Variants in SIPA1L2 observed in about 807,000 individuals in gnomAD.
The protein encoded by SIPA1L2 is signal induced proliferation associated 1 like 2.
A neutral mutation model predicts 163.9 loss-of-function variants in SIPA1L2; 56 were observed. The observed-to-expected ratio is 0.34, with a 90% CI of 0.28 to 0.43. The LOEUF (loss-of-function observed/expected upper bound fraction) is 0.43, where lower values mean the gene tolerates loss of function less well. Among genes scored for constraint, SIPA1L2 ranks in the 20% least tolerant of loss-of-function variants. The pLI, the probability that SIPA1L2 is intolerant of heterozygous loss-of-function variation, is 1.00. For synonymous variants in SIPA1L2, 877 were observed against 865.7 expected, an observed-to-expected ratio of 1.01 and a Z score of -0.23; for missense variants, 1,974 against 2,193.5, an observed-to-expected ratio of 0.90 and a Z score of 2.00.
chr1:232,405,754 A>T (rs1345356251), intron 19 of SIPA1L2, among the ~76,000 whole-genome samples: 1 of 152,196 alleles, frequency 6.6e-6, no homozygotes, highest in Non-Finnish European at 1.5e-5. Context: ...TCATTGACTC[A>T]TCCTTGTTTT....
At chr1:232,584,630 A>G (rs553253922) in intron 1 of SIPA1L2, among the ~76,000 whole-genome samples, 2 of 152,302 alleles carry the variant, frequency 1.3e-5, no homozygotes, top group East Asian at 3.9e-4. Context: ...TCCTCTCATT[A>G]ATCTACCTCT....
intron 5 of SIPA1L2, chr1:232,490,608 C>T (rs1477543032): frequency 1.4e-5 from 5 of 349,594 alleles, no homozygotes; most frequent in Middle Eastern, 8.0e-4. Flanking sequence ...ATTAATCATG[C>T]AATCAGATGC....
At chr1:232,424,193 A>AGTGTTTGTTGG (rs1661743980) in intron 18 of SIPA1L2, among the ~76,000 whole-genome samples, 1 of 151,768 alleles carries the variant, frequency 6.6e-6, no homozygotes, top group Non-Finnish European at 1.5e-5. Context: ...TACCACTGCC[A>AGTGTTTGTTGG]CTCTTTGAGG....
At chr1:232,579,110 A>C (rs1660230739) in intron 1 of SIPA1L2, among the ~76,000 whole-genome samples, 1 of 152,200 alleles carries the variant, frequency 6.6e-6, no homozygotes, top group African/African-American at 2.4e-5. Context: ...GCAGACAAAC[A>C]GAGGTCTGGC....
chr1:232,417,661 A>G (rs141070642), intron 18 of SIPA1L2, among the ~76,000 whole-genome samples: 1 of 152,184 alleles, frequency 6.6e-6, no homozygotes, highest in East Asian at 1.9e-4. Context: ...CAGAAAGGTA[A>G]AGAAAGACCC....
At position 232,441,923 on chromosome 1, in the gene SIPA1L2, A is replaced by T. The variant is rs560524961; in HGVS notation, c.3438-55T>A. Reference sequence around the variant, plus strand: ...TTTCTCAACCGTGCCACCTGCCAGCATGCACACGGGAGTGCTGGCTTCCAA... The same window carrying T: ...TTTCTCAACCGTGCCACCTGCCAGCTTGCACACGGGAGTGCTGGCTTCCAA... On this transcript the variant is annotated intron_variant, in intron 12 of 22. Transcript: ENST00000674635. 44 of 1,476,336 alleles carry T rather than the reference A, an allele frequency of 3.0e-5. No homozygotes were observed. The African/African-American group carries it at 3.3e-4, about 11-fold the overall frequency. The allele number at this position is 1,476,336 out of a possible 1,614,324, so 91.5% of individuals were successfully genotyped here.
rs546795021 is a variant in SIPA1L2 at position 232,465,551 on chromosome 1, C to T, written c.2244-135G>A. On this transcript the variant is annotated intron_variant, in intron 8 of 22. Coordinates refer to ENST00000674635, the MANE Select transcript of SIPA1L2 (RefSeq NM_020808.5). The surrounding 1 kb of genome is among the most constrained non-coding windows in gnomAD (Gnocchi z 4.1). ...ACACACACATATACATACACACATA[C>T]ACACACACTTTCAACTTAACTGGTT... is the stretch of plus-strand genomic sequence containing the variant. 5.0e-4 allele frequency: 374 copies of T among 746,842 alleles called. 2 individuals are homozygous for T. The African/African-American group carries it at 5.5e-3, about 11-fold the overall frequency. 46.3% of individuals were successfully genotyped at this position (746,842 alleles called of 1,614,324 possible). A position where few individuals can be genotyped will look rare whatever the true frequency, so the allele number is the denominator to read the frequency against.
intron 1 of SIPA1L2, among the ~76,000 whole-genome samples, chr1:232,586,091 T>G (rs11810061): frequency 0.51 from 77,285 of 152,008 alleles, 20,482 homozygotes; most frequent in East Asian, 0.75. Flanking sequence ...GAAAAATCCC[T>G]CATGAAAGCA....
chr1:232,405,492 G>A (rs1660582557), intron 19 of SIPA1L2, among the ~76,000 whole-genome samples: 1 of 152,206 alleles, frequency 6.6e-6, no homozygotes, highest in South Asian at 2.1e-4. Context: ...CTTCTACTAT[G>A]ATGTGACCTG....
chr1:232,492,180 C>T (rs1665964518), intron 4 of SIPA1L2, among the ~76,000 whole-genome samples: 1 of 152,000 alleles, frequency 6.6e-6, no homozygotes, highest in African/African-American at 2.4e-5. Flanking sequence ...AACAGGGGTA[C>T]ACATGTTCAT....
chr1:232,423,308 G>GT (rs1350624190), intron 18 of SIPA1L2, among the ~76,000 whole-genome samples: 3 of 152,158 alleles, frequency 2.0e-5, no homozygotes, highest in Non-Finnish European at 2.9e-5. Flanking sequence ...TGGCCCCATC[G>GT]TAAGTCAAGG....
At chr1:232,494,504 A>C (rs538275065) in intron 3 of SIPA1L2, among the ~76,000 whole-genome samples, 3 of 152,326 alleles carry the variant, frequency 2.0e-5, no homozygotes, top group African/African-American at 7.2e-5. Flanking sequence ...CATTCCAGAA[A>C]ATAGCCGCTA....
At chr1:232,502,295 G>A (rs1253572642) in intron 3 of SIPA1L2, among the ~76,000 whole-genome samples, 1 of 152,076 alleles carries the variant, frequency 6.6e-6, no homozygotes, top group Non-Finnish European at 1.5e-5. Context: ...CAAAACAAAA[G>A]AGCGCACATA....
chr1:232,482,338 T>C (rs1198932278), intron 6 of SIPA1L2, among the ~76,000 whole-genome samples: 2 of 151,868 alleles, frequency 1.3e-5, no homozygotes, highest in Non-Finnish European at 2.9e-5. Flanking sequence ...ACAATCACAG[T>C]AATAAGAGTT....
intron 3 of SIPA1L2, among the ~76,000 whole-genome samples, chr1:232,501,396 C>G (rs986896110): frequency 6.6e-6 from 1 of 152,144 alleles, no homozygotes; most frequent in East Asian, 1.9e-4. Flanking sequence ...ACTGACCCTA[C>G]CGCATCTCTG....
chr1:232,451,591 T>C (rs959754943), intron 10 of SIPA1L2, among the ~76,000 whole-genome samples: 3 of 152,250 alleles, frequency 2.0e-5, no homozygotes, highest in African/African-American at 4.8e-5. Context: ...AGACTTTTGC[T>C]TTCCTGCTAC....
intron 10 of SIPA1L2, among the ~76,000 whole-genome samples, chr1:232,458,308 G>C (rs1422706103): frequency 6.6e-6 from 1 of 152,232 alleles, no homozygotes; most frequent in Non-Finnish European, 1.5e-5. Context: ...GACCAAGGCA[G>C]ATAACTGATT....
intron 1 of SIPA1L2, among the ~76,000 whole-genome samples, chr1:232,583,191 T>G (rs1456131556): frequency 6.6e-6 from 1 of 152,148 alleles, no homozygotes; most frequent in African/African-American, 2.4e-5. Context: ...TTGTAAAACA[T>G]TACAAATAAT....
In SIPA1L2 at chr1:232,450,609, T is replaced by C. The variant is rs550523336; in HGVS notation, c.3096-4823A>G. On this transcript the variant is annotated intron_variant, in intron 10 of 22. Transcript: ENST00000674635. ...AAGTTACAGATCCTGGAGTTATATG[T>C]TGAATGAAAGGAACGTGAACCTTGA... Among the ~76,000 whole-genome samples, 24 of 152,304 alleles carry C rather than the reference T, an allele frequency of 1.6e-4. No homozygotes were observed. In the South Asian group the frequency reaches 5.0e-3, roughly 32 times the overall value.
Sources: gnomAD v4.1 joint callset for allele counts (sites outside exome capture counted in the v4.1 genomes callset) on GRCh38, gnomAD v4.1.1 for gene constraint, Gnocchi (gnomAD v3.1) non-coding constraint, MANE v1.5 for transcripts, NCBI Gene and HGNC (gene_info 2026-07-23, HGNC 2026-07-21) for gene names.